The following PLA2G4C variants were observed in gnomAD, a reference collection of about 807,000 sequenced individuals.
PLA2G4C encodes phospholipase A2 group IVC, also known as cytosolic phospholipase A2 gamma.
Under a neutral mutation model 73.8 loss-of-function variants are expected in PLA2G4C, and 64 were observed. The ratio of observed to expected loss-of-function variants is 0.87; its 90% CI spans 0.71 to 1.07. PLA2G4C has a LOEUF of 1.07. Ranked by LOEUF, PLA2G4C falls within the 50% of genes least tolerant of loss-of-function variation. The pLI, the probability that PLA2G4C is intolerant of heterozygous loss-of-function variation, is 0.00. For missense variants in PLA2G4C, 622 were observed against 665.4 expected, an observed-to-expected ratio of 0.93 and a Z score of 0.72; for synonymous variants, 254 against 252.1, an observed-to-expected ratio of 1.01 and a Z score of -0.07.
intron 4 of PLA2G4C, 139 bp from the exon 5 acceptor site, chr19:48,099,999 C>A (rs1284228044): frequency 1.6e-5 from 9 of 560,542 alleles, no homozygotes; most frequent in African/African-American, 5.7e-5. Flanking sequence ...CGGAAAATTT[C>A]CATTAAATAA....
intron 2 of PLA2G4C, among the ~76,000 whole-genome samples, chr19:48,106,312 C>T (rs774191385): frequency 5.9e-5 from 9 of 152,042 alleles, no homozygotes. Flanking sequence ...AGGCTAGTCT[C>T]GAACTCTGGG....
At chr19:48,097,251 C>CTTTTTT (rs1176855747) in intron 6 of PLA2G4C, 1 of 86,574 alleles carries the variant, frequency 1.2e-5, no homozygotes, top group Non-Finnish European at 2.2e-5. Context: ...TTTCTTTTTT[C>CTTTTTT]TTTTTTTTTT....
intron 14 of PLA2G4C, among the ~76,000 whole-genome samples, chr19:48,058,328 G>A (rs1355018201): frequency 6.6e-6 from 1 of 151,924 alleles, no homozygotes; most frequent in Non-Finnish European, 1.5e-5. Context: ...TGTGGAGATG[G>A]GGTCTTGCTA....
chr19:48,110,617 G>T lies in PLA2G4C; in HGVS notation c.-163C>A. The T allele has an allele frequency of 1.4e-6, 1 of 732,712 alleles. No homozygotes were observed. The highest frequency in any genetic ancestry group is 1.8e-6 in the Non-Finnish European group (1 of 558,024). 45.4% of individuals were successfully genotyped at this position (732,712 alleles called of 1,614,324 possible). On this transcript the variant is annotated 5_prime_UTR_variant, in exon 1 of 17. Coordinates refer to ENST00000599921, the MANE Select transcript of PLA2G4C (RefSeq NM_003706.3). ...GCTCCTTCAGCCGGAATCTCCGCGG[G>T]TGAAGACTGCGGGGATCCTCGGTGC... is the stretch of plus-strand genomic sequence containing the variant.
At chr19:48,091,390 G>A (rs1404779662) in intron 7 of PLA2G4C, among the ~76,000 whole-genome samples, 1 of 152,046 alleles carries the variant, frequency 6.6e-6, no homozygotes, top group Non-Finnish European at 1.5e-5. Flanking sequence ...GTTTCACCAT[G>A]TTGGCCCGTC....
chr19:48,070,670 A>C (rs1968621841), intron 12 of PLA2G4C, among the ~76,000 whole-genome samples: 1 of 152,018 alleles, frequency 6.6e-6, no homozygotes, highest in South Asian at 2.1e-4. Flanking sequence ...ACATGTTCTC[A>C]CTTATAAGTG....
intron 6 of PLA2G4C, chr19:48,097,756 T>G: frequency 1.2e-5 from 2 of 165,592 alleles, no homozygotes; most frequent in Non-Finnish European, 1.3e-5. Flanking sequence ...GCTTGGCTAA[T>G]TTATTGTGTT....
chr19:48,092,279 C>A (rs2122638940), intron 7 of PLA2G4C, among the ~76,000 whole-genome samples: 1 of 152,282 alleles, frequency 6.6e-6, no homozygotes, highest in African/African-American at 2.4e-5. Flanking sequence ...CAACTCCCAA[C>A]CTCAGGTGAT....
chr19:48,057,634 C>A (rs1317991777), intron 14 of PLA2G4C, among the ~76,000 whole-genome samples: 1 of 149,990 alleles, frequency 6.7e-6, no homozygotes, highest in Non-Finnish European at 1.5e-5. Context: ...GGATTACAGG[C>A]ACGTGCCACC....
rs1429633452 is a variant in PLA2G4C, at chr19:48,110,546, T to G, written c.-92A>C. 2 of 1,528,044 alleles carry G rather than the reference T, an allele frequency of 1.3e-6. No individual in the cohort carries two copies. Among genetic ancestry groups the G allele is most frequent in the Non-Finnish European group, 8.8e-7 (1 of 1,140,632 alleles). The allele number at this position is 1,528,044 out of a possible 1,614,324, so 94.7% of individuals were successfully genotyped here. On this transcript the variant is annotated 5_prime_UTR_variant, in exon 1 of 17. Coordinates refer to ENST00000599921, the MANE Select transcript of PLA2G4C (RefSeq NM_003706.3). The stretch of plus-strand genomic sequence containing the variant: ...GTGGAGCTTGTGCTCCGGAATCCGG[T>G]GCGGAGGCTTGGGCTCCCTGCGCTT...
chr19:48,071,351 C>T (rs943700359), intron 12 of PLA2G4C, among the ~76,000 whole-genome samples: 8 of 152,078 alleles, frequency 5.3e-5, no homozygotes, highest in Middle Eastern at 3.4e-3. Flanking sequence ...AGTGCAATGG[C>T]GTGATCTCAG....
chr19:48,097,251 C>CTTCTTTTCT (rs1340148092), intron 6 of PLA2G4C: 10 of 86,570 alleles, frequency 1.2e-4, no homozygotes, highest in African/African-American at 4.8e-4. Context: ...TTTCTTTTTT[C>CTTCTTTTCT]TTTTTTTTTT....
intron 16 of PLA2G4C, among the ~76,000 whole-genome samples, chr19:48,049,485 G>A (rs191225706): frequency 8.1e-6 from 1 of 124,176 alleles, no homozygotes; most frequent in Non-Finnish European, 1.8e-5. Flanking sequence ...TTGTTTACCT[G>A]TTTATGTCAT....
intron 5 of PLA2G4C, among the ~76,000 whole-genome samples, chr19:48,098,772 C>G (rs251678): frequency 1.5e-5 from 2 of 133,108 alleles, no homozygotes; most frequent in Admixed American, 8.1e-5. Flanking sequence ...CCCAGTGGTG[C>G]GTGCCTGTAG....
At chr19:48,056,084 C>T (rs775377265) in intron 14 of PLA2G4C, among the ~76,000 whole-genome samples, 15 of 152,100 alleles carry the variant, frequency 9.9e-5, no homozygotes, top group Non-Finnish European at 1.9e-4. Flanking sequence ...ATTCTCTTTC[C>T]TGTGGCCTCC....
intron 13 of PLA2G4C, among the ~76,000 whole-genome samples, chr19:48,062,827 G>C (rs1248809117): frequency 6.6e-6 from 1 of 152,130 alleles, no homozygotes; most frequent in East Asian, 1.9e-4. Flanking sequence ...AGTGTAGAAA[G>C]TTTATTTTGC....
At chr19:48,087,946 A>AG (rs2031080219) in intron 9 of PLA2G4C, among the ~76,000 whole-genome samples, 1 of 151,742 alleles carries the variant, frequency 6.6e-6, no homozygotes, top group Non-Finnish European at 1.5e-5. Flanking sequence ...CAAAAAAAAA[A>AG]AAAAAAAATC....
At position 48,095,551 on chromosome 19, in the gene PLA2G4C, AG is replaced by A. The variant is rs1271367570; in HGVS notation, c.621del (p.Phe208LeufsTer4). On this transcript the variant is annotated frameshift_variant, in exon 7 of 17. Transcript: ENST00000599921. LOFTEE classifies it high-confidence loss of function. ...PHHAGFSALG[A>X]FVSITHFGSK... The stretch of plus-strand genomic sequence containing the variant: ...CTTCCGAAGTGGGTTATGGAAACAA[AG>A]GCCCCCAGTGCAGAGAAGCCAGCGT... 1 of 1,614,052 alleles carries A rather than the reference AG, an allele frequency of 6.2e-7. No homozygotes were observed. Among genetic ancestry groups the A allele is most frequent in the Non-Finnish European group, 8.5e-7 (1 of 1,179,932 alleles).
In PLA2G4C at chr19:48,047,853, G is replaced by A. The variant is rs1372054454; in HGVS notation, c.*490C>T. The A allele has an allele frequency of 6.1e-6, 1 of 164,616 alleles. No individual in the cohort carries two copies. 10.2% of individuals were successfully genotyped at this position (164,616 alleles called of 1,614,324 possible). On this transcript the variant is annotated 3_prime_UTR_variant, in exon 17 of 17. Transcript: ENST00000599921. ...ACACACACACACAGCTAATCCATCA[G>A]TCAATCAGCAAGCATTTATTGAGCA...
Sources: allele counts gnomAD v4.1 joint callset (sites outside exome capture counted in the v4.1 genomes callset), GRCh38; gene constraint gnomAD v4.1.1; transcripts MANE v1.5; gene names NCBI Gene and HGNC (gene_info 2026-07-23, HGNC 2026-07-21).